DOCK9: variants seen among roughly 807,000 people sequenced by gnomAD.
DOCK9 encodes the protein dedicator of cytokinesis protein 9.
DOCK9 carries 89 observed loss-of-function variants against 263.3 expected under a neutral mutation model. The observed-to-expected ratio is 0.34, with a 90% CI of 0.28 to 0.40. The LOEUF (loss-of-function observed/expected upper bound fraction) is 0.40. Ranked by LOEUF, DOCK9 falls within the 10% of genes least tolerant of loss-of-function variation. DOCK9 has a pLI of 1.00. For missense variants in DOCK9, 2,140 were observed against 2,603.4 expected (o/e 0.82, Z 3.87); for synonymous variants, 976 against 973.1 (o/e 1.00, Z -0.06).
chr13:99,045,181 G>A lies in DOCK9; in HGVS notation c.129+41042C>T, dbSNP rs962056971. Among the ~76,000 whole-genome samples the A allele has an allele frequency of 2.0e-5, 3 of 152,142 alleles. No individual in the cohort carries two copies. The East Asian group carries it at 5.8e-4, about 29-fold the overall frequency. On this transcript the variant is annotated intron_variant, in intron 1 of 32. Coordinates refer to the DOCK9 transcript ENST00000427887. ...GTACTTGCCCAAAGAAAATGAAATC[G>A]CTGTGTCAAAGCGATATCTGCACTC... is the stretch of plus-strand genomic sequence containing the variant.
intron 2 of DOCK9, among the ~76,000 whole-genome samples, chr13:98,950,662 C>T (rs970098540): frequency 4.6e-5 from 7 of 152,158 alleles, no homozygotes; most frequent in Non-Finnish European, 4.4e-5. Context: ...ACACCAGACA[C>T]CAAAGTCTAA....
rs554200522 is a variant in DOCK9, at chr13:98,873,942, C to T, written c.2944-5565G>A. 4.6e-5 allele frequency among the ~76,000 whole-genome samples: 7 copies of T among 152,324 alleles called. No individual in the cohort carries two copies. In the East Asian group the frequency reaches 7.7e-4, roughly 17 times the overall value. On this transcript the variant is annotated intron_variant, in intron 27 of 52. Transcript: ENST00000682017. Reference sequence around the variant, plus strand: ...AAAAGCTCCTTCTTCTATGATCTCACGCTCAATATCTAGGTGGCCTTTCTT... The same window carrying T: ...AAAAGCTCCTTCTTCTATGATCTCATGCTCAATATCTAGGTGGCCTTTCTT...
chr13:98,921,324 A>G (rs1341110322), intron 6 of DOCK9, among the ~76,000 whole-genome samples: 4 of 152,182 alleles, frequency 2.6e-5, no homozygotes, highest in African/African-American at 9.7e-5. Flanking sequence ...CACCCACGGA[A>G]TCAGAGATTT....
chr13:98,911,329 A>G (rs1294396883), intron 9 of DOCK9, among the ~76,000 whole-genome samples: 1 of 152,196 alleles, frequency 6.6e-6, no homozygotes, highest in Non-Finnish European at 1.5e-5. Context: ...AATTCCCAAC[A>G]CAAAGATAAA....
intron 3 of DOCK9, among the ~76,000 whole-genome samples, 197 bp from the exon 4 acceptor site, chr13:98,926,116 T>C (rs1053137165): frequency 1.3e-5 from 2 of 152,194 alleles, no homozygotes; most frequent in South Asian, 2.1e-4. Context: ...AACATTACCC[T>C]TGGGGGTAGT....
chr13:99,033,129 T>C (rs1887521380), intron 1 of DOCK9, among the ~76,000 whole-genome samples: 1 of 152,248 alleles, frequency 6.6e-6, no homozygotes, highest in African/African-American at 2.4e-5. Flanking sequence ...CATAGCCACC[T>C]TCCTATCTAT....
rs767130103 is a variant in DOCK9 at position 98,914,304 on chromosome 13, G to A, written c.960+24C>T. On this transcript the variant is annotated intron_variant, in intron 9 of 52. Transcript: ENST00000682017. ...ATACTTCAACAGCATTCAACGAAGA[G>A]CAGAAGATATAAGACGATGTTACCT... The A allele has an allele frequency of 1.2e-5, 19 of 1,594,894 alleles. No homozygotes were observed. In the South Asian group the frequency reaches 1.7e-4, roughly 14 times the overall value.
At chr13:98,870,139 C>T (rs2094149559) in intron 27 of DOCK9, among the ~76,000 whole-genome samples, 1 of 152,178 alleles carries the variant, frequency 6.6e-6, no homozygotes, top group Admixed American at 6.5e-5. Flanking sequence ...GGAACTGCAA[C>T]CTAGACATTT....
At chr13:98,856,250 A>G (rs1435903858) in intron 33 of DOCK9, 1 of 437,820 alleles carries the variant, frequency 2.3e-6, no homozygotes, top group Non-Finnish European at 4.0e-6. Flanking sequence ...ACATCAATTC[A>G]CTTGTTAGAA....
chr13:98,968,624 A>G (rs2059427524), intron 1 of DOCK9, among the ~76,000 whole-genome samples: 1 of 152,210 alleles, frequency 6.6e-6, no homozygotes. Flanking sequence ...TGTCTCAAAA[A>G]ATAACAGAGC....
intron 50 of DOCK9, among the ~76,000 whole-genome samples, chr13:98,797,952 C>A (rs991227620): frequency 1.3e-5 from 2 of 152,184 alleles, no homozygotes; most frequent in African/African-American, 4.8e-5. Flanking sequence ...TGAAACCCAA[C>A]TGTTCATTTC....
chr13:98,909,301 T>C (rs1371294021), intron 9 of DOCK9, among the ~76,000 whole-genome samples: 1 of 152,224 alleles, frequency 6.6e-6, no homozygotes, highest in Non-Finnish European at 1.5e-5. Context: ...CAAGGTTTTC[T>C]TCTTTGTCTT....
chr13:98,900,142 C>T (rs778570578), intron 13 of DOCK9, among the ~76,000 whole-genome samples: 8 of 143,160 alleles, frequency 5.6e-5, no homozygotes, highest in Non-Finnish European at 1.2e-4. Context: ...GAATAATGTA[C>T]ACATGGATGA....
intron 1 of DOCK9, among the ~76,000 whole-genome samples, chr13:99,073,581 TG>T (rs1566391815): frequency 6.6e-6 from 1 of 152,166 alleles, no homozygotes; most frequent in African/African-American, 2.4e-5. Flanking sequence ...CAGCTGGCAT[TG>T]ATCTTTTCCC....
At chr13:99,011,253 T>A (rs1047273661) in intron 1 of DOCK9, among the ~76,000 whole-genome samples, 1 of 152,164 alleles carries the variant, frequency 6.6e-6, no homozygotes, top group Non-Finnish European at 1.5e-5. Context: ...TATTTACATA[T>A]ATACATAATA....
intron 2 of DOCK9, among the ~76,000 whole-genome samples, chr13:98,944,570 G>A (rs2056458963): frequency 6.6e-6 from 1 of 152,186 alleles, no homozygotes; most frequent in African/African-American, 2.4e-5. Context: ...TGTGTTCCAT[G>A]TGTGTGTCCT....
At chr13:98,903,998 T>C (rs2048724071) in intron 10 of DOCK9, among the ~76,000 whole-genome samples, 1 of 152,200 alleles carries the variant, frequency 6.6e-6, no homozygotes. Context: ...TATCATTTGA[T>C]ACAAAGTTTC....
At chr13:98,950,965 G>T (rs1015200204) in intron 2 of DOCK9, among the ~76,000 whole-genome samples, 2 of 152,184 alleles carry the variant, frequency 1.3e-5, no homozygotes, top group Admixed American at 1.3e-4. Context: ...GGAAAAGGCA[G>T]GCGTCCTGGG....
chr13:99,037,461 C>A (rs972961252), intron 1 of DOCK9, among the ~76,000 whole-genome samples: 2 of 151,962 alleles, frequency 1.3e-5, no homozygotes, highest in Admixed American at 6.5e-5. Flanking sequence ...ACTGGCCATA[C>A]AAAGTGTTGG....
Sources: gnomAD v4.1 joint callset for allele counts (sites outside exome capture counted in the v4.1 genomes callset) on GRCh38, gnomAD v4.1.1 for gene constraint, MANE v1.5 for transcripts, NCBI Gene and HGNC (gene_info 2026-07-23, HGNC 2026-07-21) for gene names.